DLG1: variants seen among roughly 807,000 people sequenced by gnomAD.
DLG1 encodes the protein discs large MAGUK scaffold protein 1.
A neutral mutation model predicts 123.4 loss-of-function variants in DLG1; 42 were observed. That is an observed-to-expected ratio of 0.34 (90% CI 0.27 to 0.44). DLG1 has a LOEUF of 0.44. Ranked by LOEUF, DLG1 falls within the 20% of genes least tolerant of loss-of-function variation. The probability of loss-of-function intolerance (pLI) is 1.00; values close to 1 mark genes in which losing one functional copy is unlikely to be tolerated. For missense variants in DLG1, 942 were observed against 1,082.6 expected (o/e 0.87, Z 1.82); for synonymous variants, 317 against 356.2 (o/e 0.89, Z 1.24).
intron 22 of DLG1, among the ~76,000 whole-genome samples, chr3:197,060,414 A>C (rs1427236904): frequency 1.3e-5 from 2 of 152,060 alleles, no homozygotes; most frequent in Non-Finnish European, 2.9e-5. Context: ...GATGATAGGC[A>C]TGAGCCACTG....
Position 197,195,043 on chromosome 3 carries a change from C to T in DLG1, c.319-454G>A, listed in dbSNP as rs569804313. On this transcript the variant is annotated intron_variant, in intron 4 of 24. Coordinates refer to ENST00000667157, the MANE Select transcript of DLG1 (RefSeq NM_001366207.1). The stretch of plus-strand genomic sequence containing the variant: ...ATTTTTTATTTTAACTATAATCTCT[C>T]TCTCTCTCTCTCACACACACACACC... 5.9e-5 allele frequency among the ~76,000 whole-genome samples: 9 copies of T among 151,556 alleles called. No individual in the cohort carries two copies. In the East Asian group the frequency reaches 1.4e-3, roughly 23 times the overall value.
chr3:197,259,860 CTATAAT>C (rs929532486), intron 4 of DLG1, among the ~76,000 whole-genome samples: 1 of 152,076 alleles, frequency 6.6e-6, no homozygotes, highest in Non-Finnish European at 1.5e-5. Context: ...AAAAAATTAA[CTATAAT>C]TATAATAGAT....
intron 4 of DLG1, among the ~76,000 whole-genome samples, chr3:197,248,648 G>C (rs1180262677): frequency 6.6e-6 from 1 of 152,180 alleles, no homozygotes; most frequent in African/African-American, 2.4e-5. Context: ...TCCTCCCCTT[G>C]TTATCTGGGG....
rs141671385 is a variant in DLG1 at position 197,139,771 on chromosome 3, G to A, written c.713+369C>T. 1.9e-3 allele frequency among the ~76,000 whole-genome samples: 282 copies of A among 149,944 alleles called. 2 individuals carry two copies. Among genetic ancestry groups the A allele is most frequent in the Admixed American group, 0.013 (186 of 14,860 alleles). On this transcript the variant is annotated intron_variant, in intron 8 of 24. Coordinates refer to ENST00000667157, the MANE Select transcript of DLG1 (RefSeq NM_001366207.1). ...AGGAAATGGAAAATATTCTGTGAGT[G>A]TACTTAAATAAGTTTATACACATGT...
intron 10 of DLG1, among the ~76,000 whole-genome samples, chr3:197,134,994 G>T (rs905664375): frequency 6.6e-6 from 1 of 152,188 alleles, no homozygotes; most frequent in Non-Finnish European, 1.5e-5. Flanking sequence ...TGCCCGGATG[G>T]TTTTTACAGT....
chr3:197,255,567 A>G (rs1433864581), intron 4 of DLG1, among the ~76,000 whole-genome samples: 1 of 152,206 alleles, frequency 6.6e-6, no homozygotes, highest in Non-Finnish European at 1.5e-5. Context: ...GGACTTGTAT[A>G]AAATGTTTTA....
rs912083048 is a variant in DLG1 at position 197,080,936 on chromosome 3, T to C, written c.1905+115A>G. 6.7e-6 allele frequency: 6 copies of C among 894,596 alleles called. No homozygotes were observed. In the African/African-American group the frequency reaches 8.4e-5, roughly 13 times the overall value. 55.4% of individuals were successfully genotyped at this position (894,596 alleles called of 1,614,324 possible). Reference sequence around the variant, plus strand: ...TAACAAATGCTTAAGTATCTACCATTGTAAAGCACCATGGCAAGAACTGAT... The same window carrying C: ...TAACAAATGCTTAAGTATCTACCATCGTAAAGCACCATGGCAAGAACTGAT... On this transcript the variant is annotated intron_variant, in intron 17 of 24. Coordinates refer to ENST00000667157, the MANE Select transcript of DLG1 (RefSeq NM_001366207.1).
At chr3:197,079,823 A>G (rs1285308446) in intron 17 of DLG1, among the ~76,000 whole-genome samples, 2 of 152,288 alleles carry the variant, frequency 1.3e-5, no homozygotes, top group East Asian at 3.9e-4. Flanking sequence ...AATGTAACAC[A>G]TAATTTTCTC....
chr3:197,067,525 GAAAT>G (rs1421007501), intron 19 of DLG1, among the ~76,000 whole-genome samples: 2 of 139,206 alleles, frequency 1.4e-5, no homozygotes, highest in East Asian at 2.0e-4. Context: ...CCAGTGAAAA[GAAAT>G]AAATAGTTAA....
At chr3:197,289,341 T>TACGCGCATACAC (rs1553828786) in intron 3 of DLG1, among the ~76,000 whole-genome samples, 2 of 150,286 alleles carry the variant, frequency 1.3e-5, no homozygotes, top group Admixed American at 1.3e-4. Flanking sequence ...TACACGCGCA[T>TACGCGCATACAC]ACACACACAC....
intron 19 of DLG1, among the ~76,000 whole-genome samples, chr3:197,068,139 T>C (rs2148908975): frequency 6.6e-6 from 1 of 152,358 alleles, no homozygotes; most frequent in Non-Finnish European, 1.5e-5. Flanking sequence ...TCAATTTTAT[T>C]ATCAAAGTAC....
chr3:197,107,030 C>CCT (rs1413008944), intron 13 of DLG1, among the ~76,000 whole-genome samples: 7 of 152,206 alleles, frequency 4.6e-5, no homozygotes, highest in Non-Finnish European at 1.0e-4. Flanking sequence ...TCCTGTGTCT[C>CCT]CTCTCCATCC....
chr3:197,251,526 T>C (rs1209476454), intron 4 of DLG1, among the ~76,000 whole-genome samples: 1 of 151,922 alleles, frequency 6.6e-6, no homozygotes, highest in African/African-American at 2.4e-5. Flanking sequence ...GCCAAGAACA[T>C]ATAATGGGGA....
chr3:197,281,599 T>A (rs1318952412), intron 4 of DLG1, among the ~76,000 whole-genome samples: 1 of 151,946 alleles, frequency 6.6e-6, no homozygotes, highest in Non-Finnish European at 1.5e-5. Flanking sequence ...GAAAAAGTGA[T>A]GGAAAAAAAG....
intron 24 of DLG1, among the ~76,000 whole-genome samples, chr3:197,050,051 C>G (rs1217167823): frequency 6.7e-6 from 1 of 149,738 alleles, no homozygotes; most frequent in Non-Finnish European, 1.5e-5. Context: ...AGAACAAAAC[C>G]CTGCCTCAAA....
chr3:197,147,154 G>A (rs1791214202), intron 6 of DLG1, among the ~76,000 whole-genome samples: 1 of 152,128 alleles, frequency 6.6e-6, no homozygotes, highest in Non-Finnish European at 1.5e-5. Context: ...ATGTTGGCGT[G>A]GATGCAGTGA....
At chr3:197,162,144 C>T (rs574279178) in intron 5 of DLG1, among the ~76,000 whole-genome samples, 4 of 152,112 alleles carry the variant, frequency 2.6e-5, no homozygotes, top group African/African-American at 9.6e-5. Context: ...TTTTATTAGC[C>T]CAATCAGGCA....
intron 5 of DLG1, 73 bp from the exon 6 acceptor site, chr3:197,149,869 C>G: frequency 1.1e-6 from 1 of 869,932 alleles, no homozygotes; most frequent in Middle Eastern, 2.2e-4. Context: ...ATGTTAGAGG[C>G]ATAGGAAAGA....
intron 24 of DLG1, among the ~76,000 whole-genome samples, chr3:197,050,395 C>CA (rs1292548363): frequency 6.6e-6 from 1 of 151,240 alleles, no homozygotes. Context: ...AAAAAACCCC[C>CA]AAAAAAACCC....
Sources: allele counts gnomAD v4.1 joint callset (sites outside exome capture counted in the v4.1 genomes callset), GRCh38; gene constraint gnomAD v4.1.1; transcripts MANE v1.5; gene names NCBI Gene and HGNC (gene_info 2026-07-23, HGNC 2026-07-21).